WWOX: variants seen among roughly 807,000 people sequenced by gnomAD.
WWOX encodes WW domain containing oxidoreductase.
Under a neutral mutation model 46.2 loss-of-function variants are expected in WWOX, and 69 were observed. The observed-to-expected ratio is 1.49, with a 90% CI of 1.23 to 1.82. The LOEUF is 1.82. WWOX is among the 40% of genes most tolerant of loss of function. The pLI, the probability that WWOX is intolerant of heterozygous loss-of-function variation, is 0.00. For missense variants in WWOX, 919 were observed against 542.6 expected (o/e 1.69, Z -6.89); for synonymous variants, 359 against 202.6 (o/e 1.77, Z -6.56).
At chr16:78,766,744 G>C (rs1305450590) in intron 8 of WWOX, among the ~76,000 whole-genome samples, 1 of 152,330 alleles carries the variant, frequency 6.6e-6, no homozygotes. Context: ...CTCTTCCACA[G>C]ATTTTAATGT....
chr16:78,695,193 C>A (rs528972378), intron 8 of WWOX, among the ~76,000 whole-genome samples: 1 of 152,188 alleles, frequency 6.6e-6, no homozygotes, highest in Admixed American at 6.5e-5. Context: ...GGTATGAAAA[C>A]CCTGCTAGTA....
chr16:78,841,716 A>G (rs1034197034), intron 8 of WWOX, among the ~76,000 whole-genome samples: 15 of 152,102 alleles, frequency 9.9e-5, no homozygotes, highest in Admixed American at 3.3e-4. Context: ...CTTCTGATAC[A>G]CTCCTGTCCG....
intron 5 of WWOX, among the ~76,000 whole-genome samples, chr16:78,316,404 G>A (rs1332098489): frequency 6.6e-6 from 1 of 152,072 alleles, no homozygotes; most frequent in Non-Finnish European, 1.5e-5. Context: ...GCAATGGCGT[G>A]ATCTTGGCTC....
intron 8 of WWOX, among the ~76,000 whole-genome samples, chr16:79,107,477 C>G (rs2150647031): frequency 6.6e-6 from 1 of 152,324 alleles, no homozygotes; most frequent in South Asian, 2.1e-4. Flanking sequence ...GAAAAGAAAT[C>G]TACTCAGGGT....
At chr16:78,777,839 G>C (rs1270967366) in intron 8 of WWOX, among the ~76,000 whole-genome samples, 1 of 152,040 alleles carries the variant, frequency 6.6e-6, no homozygotes, top group African/African-American at 2.4e-5. Flanking sequence ...GAGGTCAAGA[G>C]ATCAAGAGCA....
At chr16:78,918,226 A>T (rs1023125816) in intron 8 of WWOX, among the ~76,000 whole-genome samples, 14 of 152,326 alleles carry the variant, frequency 9.2e-5, no homozygotes, top group African/African-American at 3.4e-4. Flanking sequence ...GATAAAAGAA[A>T]GAAAGAAAGC....
intron 8 of WWOX, among the ~76,000 whole-genome samples, chr16:78,971,948 G>T (rs374624426): frequency 6.6e-6 from 1 of 152,280 alleles, no homozygotes; most frequent in African/African-American, 2.4e-5. Context: ...AGCCTCAGGC[G>T]CACACTCGGG....
intron 5 of WWOX, among the ~76,000 whole-genome samples, chr16:78,294,635 C>G (rs1401663908): frequency 1.4e-5 from 2 of 143,884 alleles, no homozygotes; most frequent in African/African-American, 2.5e-5. Flanking sequence ...AAAGGATAGT[C>G]TAAATACAGC....
intron 8 of WWOX, among the ~76,000 whole-genome samples, chr16:78,834,330 T>TA (rs2051915822): frequency 6.6e-6 from 1 of 152,184 alleles, no homozygotes; most frequent in Admixed American, 6.6e-5. Context: ...AATAAGGGGT[T>TA]AATTTATAAA....
intron 8 of WWOX, chr16:79,017,386 CTT>C (rs2047436986): frequency 8.0e-6 from 1 of 124,226 alleles, no homozygotes; most frequent in African/African-American, 3.1e-5. Flanking sequence ...ACCGTGATCG[CTT>C]CACTGCACTC....
At chr16:78,382,950 G>A (rs1325649738) in intron 5 of WWOX, among the ~76,000 whole-genome samples, 1 of 151,694 alleles carries the variant, frequency 6.6e-6, no homozygotes, top group African/African-American at 2.4e-5. Context: ...CTTCTGGATA[G>A]GCCTTAGGAA....
At chr16:78,676,292 A>G (rs2047597725) in intron 8 of WWOX, among the ~76,000 whole-genome samples, 1 of 152,050 alleles carries the variant, frequency 6.6e-6, no homozygotes, top group Non-Finnish European at 1.5e-5. Flanking sequence ...CATCCTCTAA[A>G]GAAGCGAGGG....
chr16:78,872,086 G>A lies in WWOX; in HGVS notation c.1057-339522G>A, dbSNP rs118090454. Among the ~76,000 whole-genome samples, 37 of 152,284 alleles carry A rather than the reference G, an allele frequency of 2.4e-4. No homozygotes were observed. In the East Asian group the frequency reaches 6.6e-3, roughly 27 times the overall value. On this transcript the variant is annotated intron_variant, in intron 8 of 8. Transcript: ENST00000566780. ...AACCAGTGTTTGAAGTACGTAAGAC[G>A]TTCATTTCCACTTCTAATGAGGAAT...
intron 5 of WWOX, among the ~76,000 whole-genome samples, chr16:78,352,766 G>T (rs1375444659): frequency 6.6e-6 from 1 of 150,494 alleles, no homozygotes; most frequent in African/African-American, 2.5e-5. Context: ...TACCTATAAT[G>T]TATATGCTTC....
intron 8 of WWOX, among the ~76,000 whole-genome samples, chr16:78,555,838 G>C (rs900776270): frequency 1.3e-5 from 2 of 152,118 alleles, no homozygotes; most frequent in Admixed American, 6.6e-5. Flanking sequence ...AGAAAAATGA[G>C]AATGCCAGCT....
intron 8 of WWOX, among the ~76,000 whole-genome samples, chr16:78,722,514 C>A (rs1421772772): frequency 1.3e-5 from 2 of 152,074 alleles, no homozygotes; most frequent in African/African-American, 2.4e-5. Flanking sequence ...TGATTATGAT[C>A]ATATTTTATT....
intron 8 of WWOX, among the ~76,000 whole-genome samples, chr16:78,971,103 G>C (rs2046459906): frequency 6.6e-6 from 1 of 151,960 alleles, no homozygotes; most frequent in Non-Finnish European, 1.5e-5. Context: ...ATATATATCA[G>C]GTAAGATTCT....
intron 8 of WWOX, among the ~76,000 whole-genome samples, chr16:78,459,325 G>C (rs1256784316): frequency 6.6e-6 from 1 of 152,170 alleles, no homozygotes; most frequent in Non-Finnish European, 1.5e-5. Context: ...TAACGGACAT[G>C]GTATCCCCAG....
At chr16:78,281,064 T>C (rs1263763403) in intron 5 of WWOX, 1 of 152,216 alleles carries the variant, frequency 6.6e-6, no homozygotes. Flanking sequence ...AACGATATCC[T>C]TCGTTTCCAA....
Sources: allele counts gnomAD v4.1 joint callset (sites outside exome capture counted in the v4.1 genomes callset), GRCh38; gene constraint gnomAD v4.1.1; transcripts MANE v1.5; gene names NCBI Gene and HGNC (gene_info 2026-07-23, HGNC 2026-07-21).